The following AGBL1 variants were observed in gnomAD, a reference collection of about 807,000 sequenced individuals.
AGBL1 encodes AGBL carboxypeptidase 1.
A neutral mutation model predicts 118.9 loss-of-function variants in AGBL1; 130 were observed. The ratio of observed to expected loss-of-function variants is 1.09; its 90% CI spans 0.95 to 1.26. AGBL1 has a LOEUF of 1.26. Ranked by LOEUF, AGBL1 falls within the 50% of genes most tolerant of loss-of-function variation. The pLI is 0.00. For synonymous variants in AGBL1, 555 were observed against 478.9 expected (o/e 1.16, Z -2.08); for missense variants, 1,584 against 1,298.1 (o/e 1.22, Z -3.38).
intron 22 of AGBL1, among the ~76,000 whole-genome samples, chr15:86,679,529 C>T (rs937456386): frequency 6.6e-6 from 1 of 151,814 alleles, no homozygotes; most frequent in Non-Finnish European, 1.5e-5. Flanking sequence ...AATTTTTGAC[C>T]ATCAGCTTTG....
intron 21 of AGBL1, among the ~76,000 whole-genome samples, chr15:86,574,079 C>T (rs2084048404): frequency 6.6e-6 from 1 of 152,014 alleles, no homozygotes; most frequent in African/African-American, 2.4e-5. Context: ...AGAGACAGGG[C>T]AATGGAAAGG....
chr15:86,623,246 G>C, intron 21 of AGBL1, among the ~76,000 whole-genome samples: 1 of 128,758 alleles, frequency 7.8e-6, no homozygotes, highest in Middle Eastern at 3.8e-3. Flanking sequence ...GTATGGGGAC[G>C]GGTTTGGAGG....
chr15:86,340,021 A>C (rs1380091396), intron 17 of AGBL1, among the ~76,000 whole-genome samples: 1 of 152,234 alleles, frequency 6.6e-6, no homozygotes. Context: ...TTGTTTGCCA[A>C]GGACCTTTTT....
intron 21 of AGBL1, among the ~76,000 whole-genome samples, chr15:86,612,552 A>G (rs552297457): frequency 7.8e-4 from 119 of 152,300 alleles, no homozygotes; most frequent in Admixed American, 1.8e-3. Flanking sequence ...AAACAGACTC[A>G]TTATAGCAAG....
chr15:86,329,317 G>C (rs74341272), intron 17 of AGBL1, among the ~76,000 whole-genome samples: 6,792 of 152,084 alleles, frequency 0.045, 290 homozygotes, highest in East Asian at 0.21. Flanking sequence ...TGATAGTGCA[G>C]TGGGGCCCTC....
At chr15:86,928,634 A>G (rs149154200) in intron 23 of AGBL1, among the ~76,000 whole-genome samples, 1,556 of 152,268 alleles carry the variant, frequency 0.01, 14 homozygotes, top group Non-Finnish European at 0.016. Flanking sequence ...TTTTTCTCCA[A>G]GTACCATGCA....
intron 18 of AGBL1, among the ~76,000 whole-genome samples, chr15:86,428,490 C>G (rs185530926): frequency 5.3e-5 from 8 of 152,274 alleles, no homozygotes; most frequent in Admixed American, 2.6e-4. Context: ...CAGAAATAAT[C>G]TATTTCTCAG....
intron 21 of AGBL1, among the ~76,000 whole-genome samples, chr15:86,640,079 C>A (rs2085166289): frequency 6.6e-6 from 1 of 152,052 alleles, no homozygotes; most frequent in Non-Finnish European, 1.5e-5. Context: ...ATATACATGT[C>A]ATAGTTATTA....
intron 11 of AGBL1, among the ~76,000 whole-genome samples, chr15:86,265,847 T>G (rs1470526756): frequency 6.6e-6 from 1 of 152,180 alleles, no homozygotes. Context: ...TTCTAAGCTT[T>G]CTTTCTCTCT....
At chr15:87,009,303 G>T (rs2081535004) in intron 24 of AGBL1, among the ~76,000 whole-genome samples, 1 of 152,088 alleles carries the variant, frequency 6.6e-6, no homozygotes, top group East Asian at 1.9e-4. Context: ...TATTTCTTCA[G>T]AGGGTGAAAG....
At chr15:86,116,034 A>C (rs924249691) in intron 1 of AGBL1, among the ~76,000 whole-genome samples, 2 of 152,246 alleles carry the variant, frequency 1.3e-5, no homozygotes, top group Non-Finnish European at 2.9e-5. Flanking sequence ...AGGAAAGTAA[A>C]TAATTGAGAA....
At chr15:86,692,432 G>T (rs1432914708) in intron 22 of AGBL1, among the ~76,000 whole-genome samples, 3 of 152,130 alleles carry the variant, frequency 2.0e-5, no homozygotes, top group Non-Finnish European at 4.4e-5. Context: ...AACTGGCGAA[G>T]AATTGCCCTC....
At chr15:86,790,258 AT>A (rs1567175336) in intron 22 of AGBL1, among the ~76,000 whole-genome samples, 1 of 152,094 alleles carries the variant, frequency 6.6e-6, no homozygotes, top group Non-Finnish European at 1.5e-5. Context: ...GGGTAACATT[AT>A]CAACCTGAGG....
intron 7 of AGBL1, among the ~76,000 whole-genome samples, chr15:86,252,430 T>C (rs1367800390): frequency 6.6e-6 from 1 of 152,238 alleles, no homozygotes; most frequent in Non-Finnish European, 1.5e-5. Context: ...CTGAGCTCCT[T>C]CTTTGTGAAA....
At chr15:86,191,909 A>T (rs1332856608) in intron 5 of AGBL1, among the ~76,000 whole-genome samples, 1 of 148,346 alleles carries the variant, frequency 6.7e-6, no homozygotes, top group Non-Finnish European at 1.5e-5. Flanking sequence ...TCTCTTAAAA[A>T]AAAAAAAACA....
intron 1 of AGBL1, among the ~76,000 whole-genome samples, chr15:86,102,275 A>C (rs1468105301): frequency 6.6e-6 from 1 of 152,090 alleles, no homozygotes; most frequent in South Asian, 2.1e-4. Flanking sequence ...TCCTGACCTC[A>C]AGTGACCCGC....
chr15:86,468,950 TTACAAA>T (rs1304179645), intron 18 of AGBL1, among the ~76,000 whole-genome samples: 1 of 152,102 alleles, frequency 6.6e-6, no homozygotes, highest in Non-Finnish European at 1.5e-5. Context: ...AAGGTATAAT[TTACAAA>T]TACAAATTGT....
chr15:86,176,666 G>C (rs1311483921), intron 5 of AGBL1, among the ~76,000 whole-genome samples: 1 of 152,204 alleles, frequency 6.6e-6, no homozygotes. Context: ...TGGGCCCCAG[G>C]GCAGGATATC....
At chr15:87,029,909 C>T (rs2081768585), downstream of AGBL1, among the ~76,000 whole-genome samples, 1 of 151,898 alleles carries the variant, frequency 6.6e-6, no homozygotes. Context: ...AACAACCCTT[C>T]ATCCCTTGAT....
Sources: allele counts gnomAD v4.1 joint callset (sites outside exome capture counted in the v4.1 genomes callset), GRCh38; gene constraint gnomAD v4.1.1; transcripts MANE v1.5; gene names NCBI Gene and HGNC (gene_info 2026-07-23, HGNC 2026-07-21).